COL4A3: variants seen among roughly 807,000 people sequenced by gnomAD.
COL4A3 encodes the protein collagen alpha-3(IV) chain.
COL4A3 carries 135 observed loss-of-function variants against 217.4 expected under a neutral mutation model. The observed-to-expected ratio is 0.62, with a 90% CI of 0.54 to 0.72. The LOEUF is 0.72. Ranked by LOEUF, COL4A3 falls within the 30% of genes least tolerant of loss-of-function variation. The probability of loss-of-function intolerance (pLI) is 0.00; values close to 1 mark genes in which losing one functional copy is unlikely to be tolerated. For missense variants in COL4A3, 1,868 were observed against 2,119.9 expected (o/e 0.88, Z 2.33); for synonymous variants, 690 against 736.3 (o/e 0.94, Z 1.02).
intron 1 of COL4A3, among the ~76,000 whole-genome samples, chr2:227,183,386 T>A (rs905090456): frequency 6.6e-6 from 1 of 152,032 alleles, no homozygotes; most frequent in East Asian, 1.9e-4. Context: ...AAAAAAGAAA[T>A]GGTGCTCAGG....
At chr2:227,178,240 G>A (rs1241052538) in intron 1 of COL4A3, among the ~76,000 whole-genome samples, 2 of 151,802 alleles carry the variant, frequency 1.3e-5, no homozygotes, top group Non-Finnish European at 2.9e-5. Flanking sequence ...AAATTAGCCG[G>A]GCATGGTGGC....
rs1298369205 is a variant in COL4A3 at position 227,164,802 on chromosome 2, G to A, written c.76G>A (p.Ala26Thr). 6.6e-7 allele frequency: 1 copy of A among 1,517,532 alleles called. No homozygotes were observed. The highest frequency in any genetic ancestry group is 2.6e-5 in the East Asian group (1 of 38,944). 94.0% of individuals were successfully genotyped at this position (1,517,532 alleles called of 1,614,324 possible). Reference sequence around the variant, plus strand: ...GCTGGTGCTCCTGGCGGCGGCGCCCGCAGCCAGCAAGGTGAGTGGGGGCTG... The same window carrying A: ...GCTGGTGCTCCTGGCGGCGGCGCCCACAGCCAGCAAGGTGAGTGGGGGCTG... ...LLLVLLAAAPAASKGCVCKDK... is the reference protein window; with the variant it reads ...LLLVLLAAAPTASKGCVCKDK... Residue 26 changes from alanine to threonine, a missense_variant, in exon 1 of 52, where the codon GCA becomes ACA. By Grantham distance (58) the Ala-to-Thr change is moderately conservative. Coordinates refer to ENST00000396578, the MANE Select transcript of COL4A3 (RefSeq NM_000091.5). The surrounding 1 kb of genome is among the most constrained non-coding windows in gnomAD (Gnocchi z 4.8).
intron 9 of COL4A3, among the ~76,000 whole-genome samples, chr2:227,249,044 C>G (rs1479993121): frequency 2.0e-5 from 3 of 150,282 alleles, no homozygotes; most frequent in Admixed American, 6.7e-5. Flanking sequence ...GTTTGCTTTT[C>G]TGATTTATAT....
At chr2:227,255,723 T>C (rs1357847930) in intron 15 of COL4A3, among the ~76,000 whole-genome samples, 2 of 152,106 alleles carry the variant, frequency 1.3e-5, no homozygotes, top group African/African-American at 2.4e-5. Flanking sequence ...GTTTTTTTTT[T>C]CCCTTCCAAG....
chr2:227,263,966 C>A, intron 21 of COL4A3, 22 bp downstream of exon 21: 1 of 1,614,056 alleles, frequency 6.2e-7, no homozygotes, highest in Non-Finnish European at 8.5e-7. Flanking sequence ...GAAGGGGACC[C>A]CTTTTGTGCA....
Position 227,310,897 on chromosome 2 carries a change from C to T in COL4A3, c.4877C>T (p.Ser1626Leu). The T allele has an allele frequency of 6.2e-7, 1 of 1,614,058 alleles. No individual in the cohort carries two copies. Among genetic ancestry groups the T allele is most frequent in the South Asian group, 1.1e-5 (1 of 91,072 alleles). The change falls in exon 51 of 52, where the codon TCA (serine) becomes TTA (leucine). Residue 1626 changes from serine (S) to leucine (L), a missense_variant. Around this residue, in one of 2 missense-constraint regions of COL4A3, gnomAD observed 1,503 missense variants for 1,786.1 expected, o/e 0.84. Transcript: ENST00000396578. ...GGAAGAGGAACGTGCAACTACTATT[C>T]AAATTCCTACAGTTTCTGGCTGGCT... is the stretch of plus-strand genomic sequence containing the variant. Reference protein sequence around the residue: ...CHGRGTCNYYSNSYSFWLASL... With the variant: ...CHGRGTCNYYLNSYSFWLASL...
At chr2:227,172,147 A>G (rs537924031) in intron 1 of COL4A3, among the ~76,000 whole-genome samples, 1 of 151,792 alleles carries the variant, frequency 6.6e-6, no homozygotes, top group South Asian at 2.1e-4. Context: ...CACTCTCCCA[A>G]CTCCTGAGAT....
Position 227,313,566 on chromosome 2 carries a change from C to A in COL4A3, c.*1696C>A, listed in dbSNP as rs1019551357. ...GGTGGTGCTGATATTTAAATTCAGG[C>A]TACTGCTTCAATCTCAATTGCTTTG... On this transcript the variant is annotated 3_prime_UTR_variant, in exon 52 of 52. Coordinates refer to ENST00000396578, the MANE Select transcript of COL4A3 (RefSeq NM_000091.5). 2 of 152,626 alleles carry A rather than the reference C, an allele frequency of 1.3e-5. No individual in the cohort carries two copies. Among genetic ancestry groups the A allele is most frequent in the African/African-American group, 4.8e-5 (2 of 41,430 alleles). The allele number at this position is 152,626 out of a possible 1,614,324, so 9.5% of individuals were successfully genotyped here.
At chr2:227,235,975 T>C (rs775994989) in intron 1 of COL4A3, among the ~76,000 whole-genome samples, 2 of 151,982 alleles carry the variant, frequency 1.3e-5, no homozygotes, top group Non-Finnish European at 2.9e-5. Flanking sequence ...GGTTTTGCCA[T>C]GTTGGCCAGG....
chr2:227,291,018 T>G, intron 37 of COL4A3, 132 bp downstream of exon 37: 1 of 1,114,142 alleles, frequency 9.0e-7, no homozygotes. Flanking sequence ...GTTATTTGGA[T>G]TTTTAAAATC....
intron 50 of COL4A3, among the ~76,000 whole-genome samples, chr2:227,309,612 T>C (rs559824714): frequency 6.6e-6 from 1 of 152,124 alleles, no homozygotes; most frequent in Non-Finnish European, 1.5e-5. Context: ...TTATTTTTTT[T>C]ATCTTTTGAG....
intron 1 of COL4A3, among the ~76,000 whole-genome samples, chr2:227,201,053 G>T (rs998332452): frequency 6.6e-6 from 1 of 152,136 alleles, no homozygotes; most frequent in African/African-American, 2.4e-5. Context: ...ATAATGACAT[G>T]CCTTAAGTAT....
intron 47 of COL4A3, among the ~76,000 whole-genome samples, chr2:227,305,890 A>C (rs1236130763): frequency 1.3e-5 from 2 of 152,184 alleles, no homozygotes; most frequent in Non-Finnish European, 2.9e-5. Context: ...AAGCAAGAAA[A>C]AATTCTAAAT....
intron 1 of COL4A3, among the ~76,000 whole-genome samples, chr2:227,234,840 C>T (rs1006465226): frequency 1.3e-5 from 2 of 152,166 alleles, no homozygotes; most frequent in African/African-American, 4.8e-5. Context: ...GTCTCAAGGC[C>T]CCCACACCTT....
chr2:227,168,356 T>C (rs116858256), intron 1 of COL4A3, among the ~76,000 whole-genome samples: 1,598 of 152,338 alleles, frequency 0.01, 55 homozygotes, highest in East Asian at 0.073. Flanking sequence ...TAGATGTTAA[T>C]GGTGTGAAAT....
intron 7 of COL4A3, 59 bp downstream of exon 7, chr2:227,246,797 C>A: frequency 7.3e-7 from 1 of 1,372,458 alleles, no homozygotes; most frequent in South Asian, 1.2e-5. Flanking sequence ...CAGTGGTCTA[C>A]TCCATATGGC....
intron 11 of COL4A3, among the ~76,000 whole-genome samples, chr2:227,252,169 G>GT (rs1472762114): frequency 6.7e-6 from 1 of 148,232 alleles, no homozygotes; most frequent in Non-Finnish European, 1.5e-5. Context: ...CCTAAACACA[G>GT]TATCTCCTAC....
chr2:227,286,719 A>G (rs2106188406), intron 34 of COL4A3, among the ~76,000 whole-genome samples: 4 of 152,346 alleles, frequency 2.6e-5, no homozygotes, highest in Admixed American at 2.6e-4. Context: ...AAACCTCCAT[A>G]AAAGAGGACT....
At chr2:227,209,629 C>T (rs2067238827) in intron 1 of COL4A3, among the ~76,000 whole-genome samples, 1 of 152,150 alleles carries the variant, frequency 6.6e-6, no homozygotes, top group African/African-American at 2.4e-5. Context: ...CACCTGAAAT[C>T]AGGAGTTCGA....
Sources: gnomAD v4.1 joint callset for allele counts (sites outside exome capture counted in the v4.1 genomes callset) on GRCh38, gnomAD v4.1.1 for gene constraint, gnomAD v4.1.1 regional missense constraint, Gnocchi (gnomAD v3.1) non-coding constraint, MANE v1.5 for transcripts, NCBI Gene and HGNC (gene_info 2026-07-23, HGNC 2026-07-21) for gene names.